ARFGAP3: variants seen among roughly 807,000 people sequenced by gnomAD.
ARFGAP3 encodes ADP-ribosylation factor GTPase-activating protein 3.
ARFGAP3 carries 72 observed loss-of-function variants against 75.0 expected under a neutral mutation model. The ratio of observed to expected loss-of-function variants is 0.96; its 90% CI spans 0.79 to 1.17. The LOEUF is 1.17. Ranked by LOEUF, ARFGAP3 falls within the 50% of genes most tolerant of loss-of-function variation. The pLI, the probability that ARFGAP3 is intolerant of heterozygous loss-of-function variation, is 0.00. For missense variants in ARFGAP3, 620 were observed against 626.6 expected, an observed-to-expected ratio of 0.99 and a Z score of 0.11; for synonymous variants, 221 against 217.9, an observed-to-expected ratio of 1.01 and a Z score of -0.13.
intron 9 of ARFGAP3, among the ~76,000 whole-genome samples, chr22:42,818,510 G>GA (rs903768366): frequency 2.6e-5 from 4 of 151,974 alleles, no homozygotes; most frequent in African/African-American, 9.7e-5. Flanking sequence ...GACACCAAAG[G>GA]GGTAAAAAGG....
At chr22:42,854,344 GC>G (rs1234826949) in intron 1 of ARFGAP3, among the ~76,000 whole-genome samples, 1 of 152,218 alleles carries the variant, frequency 6.6e-6, no homozygotes, top group Non-Finnish European at 1.5e-5. Flanking sequence ...TTCACCCTTG[GC>G]CAGGTGCGGT....
At chr22:42,827,023 T>C (rs1926070943) in intron 6 of ARFGAP3, 24 bp from the exon 7 acceptor site, 2 of 1,612,888 alleles carry the variant, frequency 1.2e-6, no homozygotes, top group East Asian at 2.2e-5. Flanking sequence ...ACATTGATAT[T>C]AGCGCAGAAA....
intron 4 of ARFGAP3, among the ~76,000 whole-genome samples, chr22:42,834,895 C>G (rs954026177): frequency 6.6e-6 from 1 of 152,058 alleles, no homozygotes; most frequent in African/African-American, 2.4e-5. Context: ...TTTAAGATGC[C>G]TCTCAAGTGC....
chr22:42,813,659 T>C (rs1393429842), intron 11 of ARFGAP3, among the ~76,000 whole-genome samples: 1 of 152,160 alleles, frequency 6.6e-6, no homozygotes. Context: ...GCTGGCGGCT[T>C]CTCTGTCTTC....
At chr22:42,850,734 C>T (rs1180151117) in intron 1 of ARFGAP3, among the ~76,000 whole-genome samples, 1 of 152,074 alleles carries the variant, frequency 6.6e-6, no homozygotes, top group Non-Finnish European at 1.5e-5. Flanking sequence ...TTCTAAAGCC[C>T]CTCACCACAA....
In ARFGAP3 at chr22:42,850,607, T is replaced by C. The variant is rs1927237796; in HGVS notation, c.70-2975A>G. On this transcript the variant is annotated intron_variant, in intron 1 of 15. Coordinates refer to ENST00000263245, the MANE Select transcript of ARFGAP3 (RefSeq NM_014570.5). ...AAAAAAAAAAAAAAAAGATATACTT[T>C]ATAGGCAGAATCACTTATGTGAAGG... Among the ~76,000 whole-genome samples the C allele has an allele frequency of 4.0e-5, 6 of 150,716 alleles. No individual in the cohort carries two copies. In the South Asian group the frequency reaches 1.3e-3, roughly 32 times the overall value.
At chr22:42,855,217 T>C (rs1927444937) in intron 1 of ARFGAP3, among the ~76,000 whole-genome samples, 1 of 152,222 alleles carries the variant, frequency 6.6e-6, no homozygotes, top group Non-Finnish European at 1.5e-5. Flanking sequence ...AGCCTCTTGA[T>C]ATAAAGACAT....
chr22:42,825,748 G>A (rs1926011133), intron 7 of ARFGAP3, among the ~76,000 whole-genome samples: 2 of 150,782 alleles, frequency 1.3e-5, no homozygotes, highest in Non-Finnish European at 2.9e-5. Flanking sequence ...TTTCTAAATT[G>A]CACAAAAATA....
intron 12 of ARFGAP3, among the ~76,000 whole-genome samples, chr22:42,810,454 ACT>A (rs1324146955): frequency 6.6e-6 from 1 of 152,202 alleles, no homozygotes; most frequent in African/African-American, 2.4e-5. Flanking sequence ...ACAGAGTGAG[ACT>A]CTGTCTCAAA....
chr22:42,818,285 T>C (rs541940520), intron 9 of ARFGAP3, among the ~76,000 whole-genome samples: 2 of 152,280 alleles, frequency 1.3e-5, no homozygotes, highest in African/African-American at 4.8e-5. Context: ...ATATATAAAT[T>C]TGACTTTACA....
At chr22:42,843,203 G>C (rs963560054) in intron 2 of ARFGAP3, among the ~76,000 whole-genome samples, 1 of 152,124 alleles carries the variant, frequency 6.6e-6, no homozygotes, top group Non-Finnish European at 1.5e-5. Context: ...CCCCTCCAGG[G>C]CCTCAGGAGT....
At chr22:42,840,526 C>A (rs545486782) in intron 3 of ARFGAP3, among the ~76,000 whole-genome samples, 1 of 152,108 alleles carries the variant, frequency 6.6e-6, no homozygotes, top group African/African-American at 2.4e-5. Flanking sequence ...ATGCAACTCT[C>A]CCGCCTCAGC....
At chr22:42,823,826 GTTTC>G in intron 7 of ARFGAP3, 124 bp from the exon 8 acceptor site, 2 of 1,196,220 alleles carry the variant, frequency 1.7e-6, no homozygotes, top group South Asian at 4.0e-5. Flanking sequence ...TTCCACTTTA[GTTTC>G]TCATCCAGAA....
intron 7 of ARFGAP3, among the ~76,000 whole-genome samples, chr22:42,824,304 C>T (rs1471653022): frequency 6.7e-6 from 1 of 150,078 alleles, no homozygotes; most frequent in Admixed American, 6.7e-5. Context: ...GTATGAGCCA[C>T]CATGCCACAA....
chr22:42,832,987 T>TAA (rs1555898580), intron 5 of ARFGAP3, among the ~76,000 whole-genome samples: 4 of 136,146 alleles, frequency 2.9e-5, no homozygotes, highest in African/African-American at 8.1e-5. Context: ...ACTCCGTCTT[T>TAA]AAAAAAAAAA....
chr22:42,810,048 C>T (rs987652692), intron 12 of ARFGAP3, among the ~76,000 whole-genome samples: 2 of 150,944 alleles, frequency 1.3e-5, no homozygotes, highest in African/African-American at 2.4e-5. Flanking sequence ...AAGGTGAAAC[C>T]TTCCTGACCT....
At chr22:42,849,878 C>T (rs1927197474) in intron 1 of ARFGAP3, among the ~76,000 whole-genome samples, 1 of 152,098 alleles carries the variant, frequency 6.6e-6, no homozygotes, top group Admixed American at 6.6e-5. Context: ...ACCTTACTTT[C>T]CTGTCCACTA....
At chr22:42,846,765 C>A in intron 2 of ARFGAP3, among the ~76,000 whole-genome samples, 1 of 152,210 alleles carries the variant, frequency 6.6e-6, no homozygotes, top group Non-Finnish European at 1.5e-5. Context: ...AGGACAGACC[C>A]ACAGCACCTG....
intron 2 of ARFGAP3, among the ~76,000 whole-genome samples, chr22:42,842,152 G>A (rs1422011572): frequency 1.3e-5 from 2 of 151,506 alleles, no homozygotes; most frequent in Admixed American, 1.3e-4. Flanking sequence ...TAACAGGCAG[G>A]TGTCACTACG....
Sources: allele counts gnomAD v4.1 joint callset (sites outside exome capture counted in the v4.1 genomes callset), GRCh38; gene constraint gnomAD v4.1.1; transcripts MANE v1.5; gene names NCBI Gene and HGNC (gene_info 2026-07-23, HGNC 2026-07-21).